EPHA6: variants seen among roughly 807,000 people sequenced by gnomAD.
EPHA6 encodes the protein ephrin type-A receptor 6.
Under a neutral mutation model 112.0 loss-of-function variants are expected in EPHA6, and 50 were observed. The ratio of observed to expected loss-of-function variants is 0.45; its 90% CI spans 0.36 to 0.56. The LOEUF (loss-of-function observed/expected upper bound fraction) is 0.56, where lower values mean the gene tolerates loss of function less well. Ranked by LOEUF, EPHA6 falls within the 20% of genes least tolerant of loss-of-function variation. EPHA6 has a pLI of 0.00. For missense variants in EPHA6, 1,280 were observed against 1,417.4 expected, an observed-to-expected ratio of 0.90 and a Z score of 1.56; for synonymous variants, 529 against 490.7, an observed-to-expected ratio of 1.08 and a Z score of -1.03.
intron 3 of EPHA6, among the ~76,000 whole-genome samples, chr3:97,221,527 A>G (rs1429499816): frequency 6.6e-6 from 1 of 152,100 alleles, no homozygotes; most frequent in Non-Finnish European, 1.5e-5. Flanking sequence ...ATATAAACAG[A>G]AAAATAAGGA....
In EPHA6 at chr3:97,592,666, G is replaced by A. The variant is rs528660001; in HGVS notation, c.2441G>A (p.Gly814Glu). ...TTTTGCCCCAGCTTCCTGAGGGCAG[G>A]GTTTTTAAATAGCATCCAGGCCCCG... The part of the protein sequence containing the change: ...EAFCPSFLRA[G>E]FLNSIQAPHP... Residue 814 changes from glycine to glutamate, a missense_variant, in exon 12 of 18, where the codon GGG becomes GAG. Gly to Glu is a moderately conservative substitution (Grantham distance 98). Transcript: ENST00000389672. The A allele has an allele frequency of 1.2e-6, 2 of 1,613,550 alleles. No individual in the cohort carries two copies. The highest frequency in any genetic ancestry group is 1.7e-5 in the Admixed American group (1 of 59,914).
rs2036092919 is a variant in EPHA6 at position 97,759,022 on chromosome 3, G to GA, written c.*10325dup. On this transcript the variant is annotated 3_prime_UTR_variant, in exon 18 of 18. Transcript: ENST00000389672. ...TATTTAAAGTTTGGAAATCACCTAGGAAAAGCCTGTGGAGGTAGGCCTAGG... is the reference window on the plus strand; with the variant it reads ...TATTTAAAGTTTGGAAATCACCTAGGAAAAAGCCTGTGGAGGTAGGCCTAGG... Among the ~76,000 whole-genome samples, 1 of 151,988 alleles carries GA rather than the reference G, an allele frequency of 6.6e-6. No individual in the cohort carries two copies. Among genetic ancestry groups the GA allele is most frequent in the African/African-American group, 2.4e-5 (1 of 41,424 alleles).
At chr3:97,633,064 G>C (rs191643188) in intron 13 of EPHA6, among the ~76,000 whole-genome samples, 1 of 152,050 alleles carries the variant, frequency 6.6e-6, no homozygotes, top group Non-Finnish European at 1.5e-5. Context: ...GACAACCATC[G>C]TGAAGTGATT....
At chr3:97,441,129 A>G (rs2107278506) in intron 6 of EPHA6, among the ~76,000 whole-genome samples, 1 of 152,108 alleles carries the variant, frequency 6.6e-6, no homozygotes, top group South Asian at 2.1e-4. Flanking sequence ...TAAATATAGT[A>G]TAACCCAAAT....
At chr3:97,602,993 A>C (rs1378251136) in intron 12 of EPHA6, among the ~76,000 whole-genome samples, 1 of 152,038 alleles carries the variant, frequency 6.6e-6, no homozygotes, top group Non-Finnish European at 1.5e-5. Flanking sequence ...TTGGGGAAGC[A>C]AAAATCACAA....
intron 17 of EPHA6, 54 bp from the exon 18 acceptor site, chr3:97,748,533 C>T: frequency 1.2e-6 from 1 of 829,094 alleles, no homozygotes; most frequent in Non-Finnish European, 2.1e-6. Context: ...CTCTCTCTCT[C>T]TCTCTTTCTT....
chr3:97,114,628 CAT>C (rs768996510), intron 3 of EPHA6, among the ~76,000 whole-genome samples: 3 of 151,992 alleles, frequency 2.0e-5, no homozygotes, highest in Non-Finnish European at 2.9e-5. Context: ...CCATTTAAGA[CAT>C]ATATAGCATT....
intron 2 of EPHA6, among the ~76,000 whole-genome samples, chr3:96,962,376 A>G (rs9824190): frequency 0.15 from 22,789 of 151,128 alleles, 2,775 homozygotes; most frequent in African/African-American, 0.33. Context: ...TAGTTACCCC[A>G]AAGTATTGTG....
chr3:97,434,817 A>G (rs1435718671), intron 6 of EPHA6, among the ~76,000 whole-genome samples: 1 of 152,028 alleles, frequency 6.6e-6, no homozygotes, highest in African/African-American at 2.4e-5. Context: ...GGTGGCTGGA[A>G]CACCTGCAGA....
intron 11 of EPHA6, among the ~76,000 whole-genome samples, chr3:97,583,493 C>T (rs1438392996): frequency 2.7e-5 from 4 of 150,792 alleles, no homozygotes; most frequent in Admixed American, 2.0e-4. Flanking sequence ...GAGCTGAGAT[C>T]GTGCCACTGC....
chr3:97,394,185 T>C (rs2086573385), intron 5 of EPHA6, among the ~76,000 whole-genome samples: 1 of 151,794 alleles, frequency 6.6e-6, no homozygotes, highest in Admixed American at 6.6e-5. Flanking sequence ...GTCTCTTCAA[T>C]ATATGACATT....
intron 3 of EPHA6, among the ~76,000 whole-genome samples, chr3:97,047,205 T>G (rs2045536987): frequency 6.6e-6 from 1 of 151,786 alleles, no homozygotes; most frequent in Non-Finnish European, 1.5e-5. Context: ...TTCTGTAAGA[T>G]ATAAGAAACC....
intron 11 of EPHA6, among the ~76,000 whole-genome samples, chr3:97,584,474 C>T (rs983801441): frequency 2.6e-5 from 4 of 152,186 alleles, no homozygotes; most frequent in Non-Finnish European, 4.4e-5. Flanking sequence ...ACAACAGAAT[C>T]GCTTTGTCAT....
intron 13 of EPHA6, among the ~76,000 whole-genome samples, chr3:97,618,800 C>A (rs1201983868): frequency 6.6e-6 from 1 of 151,986 alleles, no homozygotes; most frequent in East Asian, 1.9e-4. Context: ...AGCCCAGGAC[C>A]AGATGGATTC....
At chr3:97,230,073 G>A (rs1333759081) in intron 4 of EPHA6, among the ~76,000 whole-genome samples, 1 of 151,972 alleles carries the variant, frequency 6.6e-6, no homozygotes, top group African/African-American at 2.4e-5. Context: ...GGTAGTTTGT[G>A]ATATTTCAAA....
rs1172778358 is a variant in EPHA6 at position 97,659,553 on chromosome 3, T to C, written c.2784+21471T>C. The stretch of plus-strand genomic sequence containing the variant: ...AATGTCCTATACTTCATAATCTAAT[T>C]GATACACATGGGGGAAAAAACAGAG... On this transcript the variant is annotated intron_variant, in intron 14 of 17. Coordinates refer to ENST00000389672, the MANE Select transcript of EPHA6 (RefSeq NM_001080448.3). 2.6e-5 allele frequency among the ~76,000 whole-genome samples: 4 copies of C among 151,856 alleles called. No homozygotes were observed. The East Asian group carries it at 7.7e-4, about 29-fold the overall frequency.
At chr3:97,160,325 G>A (rs549032027) in intron 3 of EPHA6, among the ~76,000 whole-genome samples, 1 of 152,192 alleles carries the variant, frequency 6.6e-6, no homozygotes, top group South Asian at 2.1e-4. Flanking sequence ...GTCACCCAGT[G>A]CAGTGCAGCA....
chr3:96,947,998 A>G (rs1348724740), intron 2 of EPHA6, among the ~76,000 whole-genome samples: 2 of 152,162 alleles, frequency 1.3e-5, no homozygotes, highest in Non-Finnish European at 2.9e-5. Context: ...ACTTGAAACT[A>G]CACTACAGGG....
intron 3 of EPHA6, among the ~76,000 whole-genome samples, chr3:97,116,410 GTAT>G: frequency 6.6e-6 from 1 of 151,754 alleles, no homozygotes; most frequent in South Asian, 2.1e-4. Context: ...ATACAATACA[GTAT>G]TATTAACTAT....
Sources: allele counts gnomAD v4.1 joint callset (sites outside exome capture counted in the v4.1 genomes callset), GRCh38; gene constraint gnomAD v4.1.1; transcripts MANE v1.5; gene names NCBI Gene and HGNC (gene_info 2026-07-23, HGNC 2026-07-21).